Variants in CDHR5 observed in about 807,000 individuals in gnomAD.
CDHR5 encodes the protein cadherin related family member 5, also known as cadherin-related family member 5.
Under a neutral mutation model 69.5 loss-of-function variants are expected in CDHR5, and 82 were observed. That is an observed-to-expected ratio of 1.18 (90% CI 0.99 to 1.42). The LOEUF (loss-of-function observed/expected upper bound fraction) is 1.42, where lower values mean the gene tolerates loss of function less well. CDHR5 is among the 40% of genes most tolerant of loss of function. The pLI is 0.00. For missense variants in CDHR5, 1,293 were observed against 1,168.9 expected (o/e 1.11, Z -1.55); for synonymous variants, 601 against 510.2 (o/e 1.18, Z -2.40).
chr11:618,540 G>A (rs769028389), intron 13 of CDHR5, 59 bp downstream of exon 13: 58 of 1,589,744 alleles, frequency 3.6e-5, no homozygotes, highest in Middle Eastern at 3.9e-4. Context: ...TTCCTACAGC[G>A]TTTCCCATAC....
In CDHR5 at chr11:617,045, AG is replaced by A. The variant is rs764965291; in HGVS notation, c.*305del. ...CCTCGGGCTGTGGTTAGAGCGGGAG[AG>A]GAACTTCCCAGACTAGCTGGCACAG... is the stretch of plus-strand genomic sequence containing the variant. On this transcript the variant is annotated 3_prime_UTR_variant, in exon 15 of 15. Transcript: ENST00000397542. 62 of 420,668 alleles carry A rather than the reference AG, an allele frequency of 1.5e-4. No homozygotes were observed. The highest frequency in any genetic ancestry group is 7.3e-5 in the Non-Finnish European group (17 of 234,042). 26.1% of individuals were successfully genotyped at this position (420,668 alleles called of 1,614,324 possible). A position where few individuals can be genotyped will look rare whatever the true frequency, so the allele number is the denominator to read the frequency against.
In CDHR5 at chr11:624,425, G is replaced by A. The variant is rs1299677321; in HGVS notation, c.261+132C>T. The A allele has an allele frequency of 1.0e-6, 1 of 957,536 alleles. No individual in the cohort carries two copies. The highest frequency in any genetic ancestry group is 1.3e-5 in the South Asian group (1 of 74,776). 59.3% of individuals were successfully genotyped at this position (957,536 alleles called of 1,614,324 possible). ...CGAAATGGCCCAGCCTTCTAGGGCA[G>A]GCACCACCAAGCATGGGTGTCAGTG... On this transcript the variant is annotated intron_variant, in intron 2 of 14. Transcript: ENST00000397542. This position sits in a 1 kb window ranked among gnomAD's most constrained non-coding sequence, Gnocchi z 5.3.
chr11:620,003 A>T, intron 9 of CDHR5, 64 bp downstream of exon 9: 6 of 447,274 alleles, frequency 1.3e-5, no homozygotes, highest in Non-Finnish European at 2.0e-5. Flanking sequence ...CCCAGCCCTG[A>T]CCCCCCGCCC....
Position 618,110 on chromosome 11 carries a change from A to G in CDHR5, c.1962T>C (p.Gly654=), listed in dbSNP as rs139010582. Residue 654 remains glycine, a splice_region_variant and synonymous_variant, in exon 14 of 15, where the codon GGT becomes GGC. Coordinates refer to ENST00000397542, the MANE Select transcript of CDHR5 (RefSeq NM_021924.5). ...AGCGCTTGTCCTCCGAGGGGCCGCC[A>G]CCTGGCATCGCAGTGGAAAACGTCA... ...MPLSKSTPSS[G]GGPSEDKRFS... is the part of the protein sequence containing the mutation. 29 of 1,605,818 alleles carry G rather than the reference A, an allele frequency of 1.8e-5. No individual in the cohort carries two copies. In the African/African-American group the frequency reaches 3.6e-4, roughly 20 times the overall value.
In CDHR5 at chr11:619,342, C is replaced by T. The variant is rs116773158; in HGVS notation, c.1342G>A (p.Glu448Lys). ...GGCTCCTGTTCGGAAACTTGTATCT[C>T]AATGACTGTGGTTGCGGTGCCAGAG... ...VTSGTATTVI[E>K]IQVSEQEPPS... The change falls in exon 12 of 15, where the codon GAG becomes AAG. Residue 448 changes from glutamate to lysine, a missense_variant. Transcript: ENST00000397542. 40 of 1,613,630 alleles carry T rather than the reference C, an allele frequency of 2.5e-5. No homozygotes were observed. The Middle Eastern group carries it at 6.6e-4, about 27-fold the overall frequency.
Position 619,663 on chromosome 11 carries a change from C to G in CDHR5, c.1179+18G>C, listed in dbSNP as rs750484705. 27 of 1,612,788 alleles carry G rather than the reference C, an allele frequency of 1.7e-5. No individual in the cohort carries two copies. In the Admixed American group the frequency reaches 4.0e-4, roughly 24 times the overall value. On this transcript the variant is annotated intron_variant, in intron 10 of 14. Coordinates refer to ENST00000397542, the MANE Select transcript of CDHR5 (RefSeq NM_021924.5). ...CCTGACCCACCCACAGAGGGGAGGC[C>G]TTGGATGCACTCTCTACCGAGAACT...
At position 621,966 on chromosome 11, in the gene CDHR5, A is replaced by G. The variant is rs1215067386; in HGVS notation, c.313-62T>C. Reference sequence around the variant, plus strand: ...TCCCCGTTGTGAGGTGCACCCCTCGACGGCTATCCGTCCCCACCGTGAGTG... The same window carrying G: ...TCCCCGTTGTGAGGTGCACCCCTCGGCGGCTATCCGTCCCCACCGTGAGTG... On this transcript the variant is annotated intron_variant, in intron 3 of 14. Coordinates refer to ENST00000397542, the MANE Select transcript of CDHR5 (RefSeq NM_021924.5). This position sits in a 1 kb window ranked among gnomAD's most constrained non-coding sequence, Gnocchi z 4.4. The G allele has an allele frequency of 1.4e-5, 19 of 1,341,240 alleles. No individual in the cohort carries two copies. In the South Asian group the frequency reaches 1.5e-4, roughly 11 times the overall value. 83.1% of individuals were successfully genotyped at this position (1,341,240 alleles called of 1,614,324 possible). A position where few individuals can be genotyped will look rare whatever the true frequency, so the allele number is the denominator to read the frequency against.
chr11:624,909 G>A lies in CDHR5; in HGVS notation c.-7C>T, dbSNP rs757793659. 3.7e-5 allele frequency: 57 copies of A among 1,545,948 alleles called. No individual in the cohort carries two copies. In the Admixed American group the frequency reaches 5.0e-4, roughly 14 times the overall value. On this transcript the variant is annotated 5_prime_UTR_variant, in exon 1 of 15. Coordinates refer to ENST00000397542, the MANE Select transcript of CDHR5 (RefSeq NM_021924.5). The surrounding 1 kb of genome is among the most constrained non-coding windows in gnomAD (Gnocchi z 5.3). ...GCAGGGCCCAAGACCCCATCTTGGCGGCTGTCACCTGGCAGGAGGGTCTGA... is the reference window on the plus strand; with the variant it reads ...GCAGGGCCCAAGACCCCATCTTGGCAGCTGTCACCTGGCAGGAGGGTCTGA...
In CDHR5 at chr11:619,166, G is replaced by T; in HGVS notation, c.1393C>A (p.Pro465Thr). 1 of 1,545,334 alleles carries T rather than the reference G, an allele frequency of 6.5e-7. No homozygotes were observed. Residue 465 changes from proline (P) to threonine (T), a missense_variant, in exon 13 of 15, where the codon CCA becomes ACA. By Grantham distance (38) the Pro-to-Thr change is conservative. Transcript: ENST00000397542. Reference protein sequence around the residue: ...EPPSTDVPPSPEAGGTTGPWT... With the variant: ...EPPSTDVPPSTEAGGTTGPWT... Reference sequence around the variant, plus strand: ...GGCCCAGTTGTTCCTCCAGCCTCTGGGGATGGGGGGACATCTGGGGGCCGG... The same window carrying T: ...GGCCCAGTTGTTCCTCCAGCCTCTGTGGATGGGGGGACATCTGGGGGCCGG...
At chr11:623,798 C>G (rs1018199226) in intron 3 of CDHR5, among the ~76,000 whole-genome samples, 1 of 152,028 alleles carries the variant, frequency 6.6e-6, no homozygotes, top group Non-Finnish European at 1.5e-5. Flanking sequence ...TGCTGGTGTC[C>G]CGGCCCTGAT....
chr11:624,146 T>C lies in CDHR5; in HGVS notation c.312+67A>G. 1 of 704,076 alleles carries C rather than the reference T, an allele frequency of 1.4e-6. No individual in the cohort carries two copies. The highest frequency in any genetic ancestry group is 2.6e-6 in the Non-Finnish European group (1 of 378,776). The allele number at this position is 704,076 out of a possible 1,614,324, so 43.6% of individuals were successfully genotyped here. Reference sequence around the variant, plus strand: ...AGCTGACGTCATCAAAGACTGGTCCTGGACCGGCAGGGCAGAGCCCAGCAG... The same window carrying C: ...AGCTGACGTCATCAAAGACTGGTCCCGGACCGGCAGGGCAGAGCCCAGCAG... On this transcript the variant is annotated intron_variant, in intron 3 of 14. Coordinates refer to ENST00000397542, the MANE Select transcript of CDHR5 (RefSeq NM_021924.5). The surrounding 1 kb of genome is among the most constrained non-coding windows in gnomAD (Gnocchi z 5.3).
rs763590666 is a variant in CDHR5, at chr11:618,998, G to GC, written c.1560dup (p.Pro521AlafsTer194). 1.2e-6 allele frequency: 2 copies of GC among 1,612,532 alleles called. No individual in the cohort carries two copies. Among genetic ancestry groups the GC allele is most frequent in the African/African-American group, 2.7e-5 (2 of 74,568 alleles). On this transcript the variant is annotated frameshift_variant, in exon 13 of 15. Coordinates refer to ENST00000397542, the MANE Select transcript of CDHR5 (RefSeq NM_021924.5). LOFTEE classifies it high-confidence loss of function. The stretch of plus-strand genomic sequence containing the variant: ...GAGGTGCTGTTTTCTGCACCCGGGG[G>GC]CCCCCCGGGTGTGGACGAGGTTGGT...
chr11:620,988 G>GACCCCC (rs1857340991), intron 7 of CDHR5, 92 bp downstream of exon 7: 2 of 371,320 alleles, frequency 5.4e-6, no homozygotes, highest in African/African-American at 2.2e-5. Context: ...CCCTGACCCC[G>GACCCCC]ACCCCGCCCT....
In CDHR5 at chr11:624,797, C is replaced by T. The variant is rs773527469; in HGVS notation, c.85+21G>A. On this transcript the variant is annotated intron_variant, in intron 1 of 14. Transcript: ENST00000397542. The surrounding 1 kb of genome is among the most constrained non-coding windows in gnomAD (Gnocchi z 5.3). ...CTGGCTCCCCGCCGCCCGTGCCCCACCTACCCCTGCCCGCACATACACTGG... is the reference window on the plus strand; with the variant it reads ...CTGGCTCCCCGCCGCCCGTGCCCCATCTACCCCTGCCCGCACATACACTGG... 2.2e-5 allele frequency: 36 copies of T among 1,608,448 alleles called. No individual in the cohort carries two copies. The highest frequency in any genetic ancestry group is 3.0e-5 in the Non-Finnish European group (35 of 1,177,160).
At position 621,362 on chromosome 11, in the gene CDHR5, A is replaced by T. The variant is rs1440885981; in HGVS notation, c.601T>A (p.Phe201Ile). Residue 201 changes from phenylalanine to isoleucine, a missense_variant, in exon 6 of 15, where the codon TTC becomes ATC. By Grantham distance (21) the Phe-to-Ile change is conservative. Coordinates refer to ENST00000397542, the MANE Select transcript of CDHR5 (RefSeq NM_021924.5). The surrounding 1 kb of genome is among the most constrained non-coding windows in gnomAD (Gnocchi z 4.4). ...LDFYERPNMTFWLLVRDTPGE... is the reference protein window; with the variant it reads ...LDFYERPNMTIWLLVRDTPGE... ...CTGCTCACCCGCACCAGCAGCCAGA[A>T]GGTCATGTTCGGCCGCTCGTAGAAG... The T allele has an allele frequency of 2.5e-6, 4 of 1,613,268 alleles. No homozygotes were observed. The East Asian group carries it at 6.7e-5, about 27-fold the overall frequency.
intron 7 of CDHR5, among the ~76,000 whole-genome samples, chr11:620,841 T>G (rs1487893413): frequency 6.6e-6 from 1 of 152,120 alleles, no homozygotes; most frequent in East Asian, 1.9e-4. Context: ...CCCAGGCCCC[T>G]GAGACCGCCT....
rs764372098 is a variant in CDHR5 at position 618,912 on chromosome 11, C to T, written c.1647G>A (p.Gln549=). Residue 549 remains glutamine, a synonymous_variant, in exon 13 of 15, where the codon CAG becomes CAA. Coordinates refer to ENST00000397542, the MANE Select transcript of CDHR5 (RefSeq NM_021924.5). ...TAQTPKPGTS[Q]PMPPGVGTST... ...TGGTTCCCACACCGGGGGGCATCGG[C>T]TGAGAGGTTCCTGGCTTTGGGGTCT... The T allele has an allele frequency of 6.2e-7, 1 of 1,608,224 alleles. No homozygotes were observed. Among genetic ancestry groups the T allele is most frequent in the African/African-American group, 1.3e-5 (1 of 74,346 alleles).
rs1315273267 is a variant in CDHR5 at position 621,484 on chromosome 11, AAG to A, written c.508-31_508-30del. The stretch of plus-strand genomic sequence containing the variant: ...GGGAGGGTCAGGGAGGACAGAGCCT[AAG>A]AGCCTTGGAGGGCGAGGGCGGCTGT... On this transcript the variant is annotated intron_variant, in intron 5 of 14. Coordinates refer to ENST00000397542, the MANE Select transcript of CDHR5 (RefSeq NM_021924.5). The surrounding 1 kb of genome is among the most constrained non-coding windows in gnomAD (Gnocchi z 4.4). The A allele has an allele frequency of 6.2e-7, 1 of 1,603,398 alleles. No homozygotes were observed. The highest frequency in any genetic ancestry group is 1.7e-5 in the Admixed American group (1 of 59,976).
Position 624,191 on chromosome 11 carries a change from G to A in CDHR5, c.312+22C>T. The A allele has an allele frequency of 1.3e-6, 1 of 749,512 alleles. No homozygotes were observed. Among genetic ancestry groups the A allele is most frequent in the South Asian group, 1.4e-5 (1 of 70,694 alleles). The allele number at this position is 749,512 out of a possible 1,614,324, so 46.4% of individuals were successfully genotyped here. ...CAGCAGAGGTGGCCGGGTGGGGCGG[G>A]GAGAGCGGGGCGGGGACTCACCAAT... On this transcript the variant is annotated intron_variant, in intron 3 of 14. Transcript: ENST00000397542. The surrounding 1 kb of genome is among the most constrained non-coding windows in gnomAD (Gnocchi z 5.3).
Sources: gnomAD v4.1 joint callset for allele counts (sites outside exome capture counted in the v4.1 genomes callset) on GRCh38, gnomAD v4.1.1 for gene constraint, Gnocchi (gnomAD v3.1) non-coding constraint, MANE v1.5 for transcripts, NCBI Gene and HGNC (gene_info 2026-07-23, HGNC 2026-07-21) for gene names.